Variants in EXOC6B observed in about 807,000 individuals in gnomAD.
The protein encoded by EXOC6B is exocyst complex component 6B.
Under a neutral mutation model 113.5 loss-of-function variants are expected in EXOC6B, and 54 were observed. That is an observed-to-expected ratio of 0.48 (90% CI 0.38 to 0.60). The LOEUF is 0.60. Ranked by LOEUF, EXOC6B falls within the 20% of genes least tolerant of loss-of-function variation. The probability of loss-of-function intolerance (pLI) is 0.00; values close to 1 mark genes in which losing one functional copy is unlikely to be tolerated. For synonymous variants in EXOC6B, 357 were observed against 339.0 expected, an observed-to-expected ratio of 1.05 and a Z score of -0.58; for missense variants, 797 against 977.5, an observed-to-expected ratio of 0.82 and a Z score of 2.46.
intron 19 of EXOC6B, among the ~76,000 whole-genome samples, chr2:72,339,352 C>T (rs983280132): frequency 6.6e-6 from 1 of 152,088 alleles, no homozygotes; most frequent in African/African-American, 2.4e-5. Flanking sequence ...TCTTTGCAAT[C>T]CAGAATTTTT....
intron 18 of EXOC6B, among the ~76,000 whole-genome samples, chr2:72,414,879 C>T (rs1694424323): frequency 6.6e-6 from 1 of 150,714 alleles, no homozygotes; most frequent in African/African-American, 2.5e-5. Context: ...AATTCTATGA[C>T]ATTTCTTTTA....
At chr2:72,796,452 CCAAAAAAA>C (rs1324170276) in intron 1 of EXOC6B, among the ~76,000 whole-genome samples, 5 of 137,786 alleles carry the variant, frequency 3.6e-5, no homozygotes, top group African/African-American at 1.1e-4. Context: ...GACTCCATCT[CCAAAAAAA>C]AAAAAAAAAA....
At chr2:72,458,510 A>C (rs1378394557) in intron 18 of EXOC6B, among the ~76,000 whole-genome samples, 1 of 152,116 alleles carries the variant, frequency 6.6e-6, no homozygotes, top group East Asian at 1.9e-4. Context: ...GAAATATGGC[A>C]CCAATGGAAG....
intron 6 of EXOC6B, among the ~76,000 whole-genome samples, chr2:72,614,886 C>A (rs753184573): frequency 3.3e-5 from 5 of 152,050 alleles, no homozygotes; most frequent in Non-Finnish European, 7.4e-5. Context: ...AAGAGGAGGG[C>A]AGAAGTGAAA....
intron 6 of EXOC6B, among the ~76,000 whole-genome samples, chr2:72,586,431 A>T (rs1248838939): frequency 6.6e-6 from 1 of 152,114 alleles, no homozygotes; most frequent in African/African-American, 2.4e-5. Flanking sequence ...GGCAAAATAC[A>T]TGAACAGGCA....
chr2:72,768,219 G>T (rs146643169), intron 1 of EXOC6B, among the ~76,000 whole-genome samples: 1 of 148,552 alleles, frequency 6.7e-6, no homozygotes, highest in East Asian at 2.0e-4. Context: ...ATTCACCACT[G>T]AAACAATGAT....
chr2:72,781,325 C>G (rs1684023419), intron 1 of EXOC6B, among the ~76,000 whole-genome samples: 1 of 152,098 alleles, frequency 6.6e-6, no homozygotes, highest in Non-Finnish European at 1.5e-5. Flanking sequence ...AACAACCAAC[C>G]TCAAAATTTC....
rs1677844247 is a variant in EXOC6B, at chr2:72,178,031, C to A, written c.*1304G>T. On this transcript the variant is annotated 3_prime_UTR_variant, in exon 22 of 22. Transcript: ENST00000272427. ...AGCCTCCACGCTAAGCTGCTCCAGG[C>A]TTTAGAGTTTGGAGGACAGGATTAT... 6.6e-6 allele frequency: 1 copy of A among 152,158 alleles called. No individual in the cohort carries two copies. Among genetic ancestry groups the A allele is most frequent in the African/African-American group, 2.4e-5 (1 of 41,436 alleles). 9.4% of individuals were successfully genotyped at this position (152,158 alleles called of 1,614,324 possible).
intron 20 of EXOC6B, among the ~76,000 whole-genome samples, chr2:72,288,139 C>T (rs1051664955): frequency 1.3e-5 from 2 of 152,136 alleles, no homozygotes; most frequent in African/African-American, 4.8e-5. Flanking sequence ...AGATACCATA[C>T]ACATTCACTA....
intron 7 of EXOC6B, among the ~76,000 whole-genome samples, chr2:72,561,519 A>G (rs1347645302): frequency 6.6e-6 from 1 of 152,098 alleles, no homozygotes; most frequent in African/African-American, 2.4e-5. Flanking sequence ...AGTTTCACTC[A>G]AAAGGAAACT....
At chr2:72,769,815 A>G (rs1433291775) in intron 1 of EXOC6B, among the ~76,000 whole-genome samples, 1 of 152,130 alleles carries the variant, frequency 6.6e-6, no homozygotes. Flanking sequence ...CCATCTCAAA[A>G]ATAAAATAAA....
At chr2:72,690,869 T>C (rs1199607451) in intron 6 of EXOC6B, among the ~76,000 whole-genome samples, 6 of 152,182 alleles carry the variant, frequency 3.9e-5, no homozygotes, top group Admixed American at 2.0e-4. Flanking sequence ...TCCTAATACC[T>C]GTGAATGTGA....
chr2:72,615,290 A>G (rs1671314757), intron 6 of EXOC6B, among the ~76,000 whole-genome samples: 1 of 152,090 alleles, frequency 6.6e-6, no homozygotes, highest in South Asian at 2.1e-4. Flanking sequence ...AAATCATACT[A>G]TGCAACTTTC....
At chr2:72,387,657 A>T (rs1320830636) in intron 18 of EXOC6B, among the ~76,000 whole-genome samples, 1 of 152,116 alleles carries the variant, frequency 6.6e-6, no homozygotes, top group African/African-American at 2.4e-5. Context: ...ATTTTACTTG[A>T]CTATATATTT....
chr2:72,527,244 ACTTTTT>A (rs1701788318), intron 8 of EXOC6B, among the ~76,000 whole-genome samples: 1 of 152,014 alleles, frequency 6.6e-6, no homozygotes, highest in African/African-American at 2.4e-5. Flanking sequence ...ATCCAGTTAC[ACTTTTT>A]AAGTTATTTT....
At chr2:72,816,421 T>C (rs1251077532) in intron 1 of EXOC6B, among the ~76,000 whole-genome samples, 1 of 152,184 alleles carries the variant, frequency 6.6e-6, no homozygotes, top group Non-Finnish European at 1.5e-5. Context: ...CAGAAGTCTA[T>C]ACAATAACAC....
rs115796931 is a variant in EXOC6B at position 72,196,070 on chromosome 2, T to A, written c.2197-11883A>T. 4.1e-3 allele frequency among the ~76,000 whole-genome samples: 626 copies of A among 152,324 alleles called. 6 individuals carry two copies. Among genetic ancestry groups the A allele is most frequent in the African/African-American group, 0.014 (576 of 41,574 alleles). ...ATTAGTAAATTTTTATACACACAACTATATTAGGGGTCAGCCCTTAAAATG... is the reference window on the plus strand; with the variant it reads ...ATTAGTAAATTTTTATACACACAACAATATTAGGGGTCAGCCCTTAAAATG... On this transcript the variant is annotated intron_variant, in intron 20 of 21. Coordinates refer to ENST00000272427, the MANE Select transcript of EXOC6B (RefSeq NM_015189.3).
chr2:72,391,266 G>C (rs1692360165), intron 18 of EXOC6B, among the ~76,000 whole-genome samples: 1 of 152,016 alleles, frequency 6.6e-6, no homozygotes, highest in Admixed American at 6.5e-5. Context: ...ACTATACTGT[G>C]GCCGGTAGTG....
At chr2:72,370,022 A>T (rs762735760) in intron 19 of EXOC6B, among the ~76,000 whole-genome samples, 26 of 152,354 alleles carry the variant, frequency 1.7e-4, no homozygotes, top group Non-Finnish European at 3.5e-4. Flanking sequence ...GGATCTCATT[A>T]AACTAAAGAG....
Sources: gnomAD v4.1 joint callset for allele counts (sites outside exome capture counted in the v4.1 genomes callset) on GRCh38, gnomAD v4.1.1 for gene constraint, MANE v1.5 for transcripts, NCBI Gene and HGNC (gene_info 2026-07-23, HGNC 2026-07-21) for gene names.